The following FGF12 variants were observed in gnomAD, a reference collection of about 807,000 sequenced individuals.
FGF12 encodes the protein fibroblast growth factor 12B.
In FGF12, 14 loss-of-function variants were observed where a neutral mutation model predicts 23.6. That is an observed-to-expected ratio of 0.59 (90% CI 0.39 to 0.93). The LOEUF is 0.93. FGF12 is among the 40% of genes least tolerant of loss of function. FGF12 has a pLI of 0.00. For synonymous variants in FGF12, 62 were observed against 77.3 expected (o/e 0.80, Z 1.04); for missense variants, 175 against 217.8 (o/e 0.80, Z 1.24).
intron 2 of FGF12, among the ~76,000 whole-genome samples, chr3:192,648,735 C>A (rs543614393): frequency 2.0e-5 from 3 of 152,114 alleles, no homozygotes; most frequent in South Asian, 2.1e-4. Context: ...TAGAAGGGAG[C>A]AACAGAAAAA....
In FGF12 at chr3:192,360,180, A is replaced by G. The variant is rs1410475782; in HGVS notation, c.124+248T>C. 1.3e-5 allele frequency among the ~76,000 whole-genome samples: 2 copies of G among 152,190 alleles called. No homozygotes were observed. The highest frequency in any genetic ancestry group is 6.5e-5 in the Admixed American group (1 of 15,276). On this transcript the variant is annotated intron_variant, in intron 3 of 5. Coordinates refer to ENST00000445105, the MANE Select transcript of FGF12 (RefSeq NM_004113.6). The surrounding 1 kb of genome is among the most constrained non-coding windows in gnomAD (Gnocchi z 4.3). ...TGCCTAAAAACACTGTGATGGGAGTATATTCTTGCCCATTGACCAAATGGA... is the reference window on the plus strand; with the variant it reads ...TGCCTAAAAACACTGTGATGGGAGTGTATTCTTGCCCATTGACCAAATGGA...
At chr3:192,302,872 C>A (rs1160997562) in intron 4 of FGF12, among the ~76,000 whole-genome samples, 1 of 152,078 alleles carries the variant, frequency 6.6e-6, no homozygotes, top group Admixed American at 6.6e-5. Context: ...TAAGTAAAGG[C>A]AAGAAGGGAA....
intron 4 of FGF12, among the ~76,000 whole-genome samples, chr3:192,244,138 T>C (rs557338027): frequency 1.3e-5 from 2 of 152,148 alleles, no homozygotes; most frequent in East Asian, 1.9e-4. Flanking sequence ...AAATACTATA[T>C]CTAGGGAGAT....
rs139190830 is a variant in FGF12, at chr3:192,558,983, G to C, written c.13+168198C>G. On this transcript the variant is annotated intron_variant, in intron 2 of 5. Coordinates refer to ENST00000445105, the MANE Select transcript of FGF12 (RefSeq NM_004113.6). ...GATTAAAGACTTAAATGCAAGATCT[G>C]AAACTATAGAACTCTTATAATAAAT... Among the ~76,000 whole-genome samples the C allele has an allele frequency of 4.2e-3, 632 of 151,982 alleles. 2 individuals carry two copies. Among genetic ancestry groups the C allele is most frequent in the Non-Finnish European group, 6.2e-3 (417 of 67,804 alleles).
chr3:192,494,586 T>C (rs993917995), intron 2 of FGF12, among the ~76,000 whole-genome samples: 2 of 152,210 alleles, frequency 1.3e-5, no homozygotes, highest in Admixed American at 6.5e-5. Context: ...TCTAGTGTGA[T>C]AATATTCCTT....
intron 2 of FGF12, among the ~76,000 whole-genome samples, chr3:192,552,926 A>C (rs1320566754): frequency 6.6e-6 from 1 of 152,128 alleles, no homozygotes; most frequent in Non-Finnish European, 1.5e-5. Context: ...AACCAAAAAA[A>C]AAGAAAAAAA....
At chr3:192,547,675 A>G (rs1725529271) in intron 2 of FGF12, among the ~76,000 whole-genome samples, 2 of 152,222 alleles carry the variant, frequency 1.3e-5, no homozygotes, top group South Asian at 4.1e-4. Context: ...TCCAAAACCA[A>G]CAGGAAGCGT....
In FGF12 at chr3:192,251,787, G is replaced by GA. The variant is rs1015480295; in HGVS notation, c.229-81132dup. On this transcript the variant is annotated intron_variant, in intron 4 of 5. Coordinates refer to ENST00000445105, the MANE Select transcript of FGF12 (RefSeq NM_004113.6). ...CCTATTTATATAAAGTTCAAAAACA[G>GA]AAAAAAAAATAGGTGTAGAAAACAA... Among the ~76,000 whole-genome samples, 16 of 150,458 alleles carry GA rather than the reference G, an allele frequency of 1.1e-4. No individual in the cohort carries two copies. The South Asian group carries it at 1.3e-3, about 12-fold the overall frequency.
At chr3:192,627,852 A>ATGTG (rs138709721) in intron 2 of FGF12, among the ~76,000 whole-genome samples, 99 of 147,340 alleles carry the variant, frequency 6.7e-4, no homozygotes, top group South Asian at 2.2e-3. Context: ...GTGTGTGTGC[A>ATGTG]TGTGTGTGTG....
intron 2 of FGF12, among the ~76,000 whole-genome samples, chr3:192,593,932 GT>G (rs1713731989): frequency 6.6e-6 from 1 of 151,846 alleles, no homozygotes; most frequent in Non-Finnish European, 1.5e-5. Context: ...GATTTAAATG[GT>G]TTTGGTCTTA....
chr3:192,348,180 T>C (rs1718049466), intron 3 of FGF12, among the ~76,000 whole-genome samples: 2 of 152,164 alleles, frequency 1.3e-5, no homozygotes, highest in African/African-American at 2.4e-5. Context: ...TGTAATACTG[T>C]GGAGTGGGCT....
chr3:192,322,287 A>T (rs1390373234), intron 4 of FGF12, among the ~76,000 whole-genome samples: 3 of 152,138 alleles, frequency 2.0e-5, no homozygotes, highest in Non-Finnish European at 4.4e-5. Context: ...CTACAATAAA[A>T]ACTATAAAAT....
At chr3:192,610,829 T>C (rs1223433444) in intron 2 of FGF12, among the ~76,000 whole-genome samples, 1 of 152,050 alleles carries the variant, frequency 6.6e-6, no homozygotes, top group East Asian at 1.9e-4. Context: ...GCTCTTGCTG[T>C]GCCCTCAGCC....
chr3:192,298,050 T>A (rs2108656651), intron 4 of FGF12, among the ~76,000 whole-genome samples: 1 of 152,330 alleles, frequency 6.6e-6, no homozygotes, highest in Non-Finnish European at 1.5e-5. Flanking sequence ...AAGCACAAGT[T>A]CACTATTGTA....
intron 2 of FGF12, among the ~76,000 whole-genome samples, chr3:192,407,463 T>C (rs533031680): frequency 1.3e-5 from 2 of 152,078 alleles, no homozygotes; most frequent in African/African-American, 4.8e-5. Context: ...AGGTGAGAAA[T>C]TGACAAGGGC....
intron 2 of FGF12, among the ~76,000 whole-genome samples, chr3:192,639,817 C>G (rs1715723575): frequency 6.6e-6 from 1 of 151,980 alleles, no homozygotes; most frequent in Non-Finnish European, 1.5e-5. Flanking sequence ...ATTTGGTATT[C>G]TTGGGAGGTC....
intron 2 of FGF12, among the ~76,000 whole-genome samples, chr3:192,669,601 TTAAA>T (rs1717031581): frequency 2.0e-5 from 1 of 49,164 alleles, no homozygotes. Flanking sequence ...AGACTCTGTC[TTAAA>T]AAAAAAAAAA....
rs1265530101 is a variant in FGF12, at chr3:192,514,335, C to G, written c.14-153797G>C. ...GAACAACTCCAAGTCGCGCGCCGCCCTCGCAAATCGCAGAGAGGGCCGCGA... is the reference window on the plus strand; with the variant it reads ...GAACAACTCCAAGTCGCGCGCCGCCGTCGCAAATCGCAGAGAGGGCCGCGA... On this transcript the variant is annotated intron_variant, in intron 2 of 5. Transcript: ENST00000445105. The surrounding 1 kb of genome is among the most constrained non-coding windows in gnomAD (Gnocchi z 4.9). Among the ~76,000 whole-genome samples, 4 of 152,242 alleles carry G rather than the reference C, an allele frequency of 2.6e-5. No individual in the cohort carries two copies. The highest frequency in any genetic ancestry group is 9.6e-5 in the African/African-American group (4 of 41,466).
At chr3:192,589,096 G>A (rs1448989493) in intron 2 of FGF12, among the ~76,000 whole-genome samples, 1 of 151,758 alleles carries the variant, frequency 6.6e-6, no homozygotes, top group Admixed American at 6.6e-5. Context: ...CAGCACTTTG[G>A]CAGTCCGAGG....
Sources: allele counts gnomAD v4.1 joint callset (sites outside exome capture counted in the v4.1 genomes callset), GRCh38; gene constraint gnomAD v4.1.1; non-coding constraint Gnocchi (gnomAD v3.1); transcripts MANE v1.5; gene names NCBI Gene and HGNC (gene_info 2026-07-23, HGNC 2026-07-21).